The following HMCN1 variants were observed in gnomAD, a reference collection of about 807,000 sequenced individuals.
HMCN1 encodes the protein hemicentin-1.
A neutral mutation model predicts 625.9 loss-of-function variants in HMCN1; 321 were observed. The observed-to-expected ratio is 0.51, with a 90% CI of 0.47 to 0.56. The LOEUF (loss-of-function observed/expected upper bound fraction) is 0.56, where lower values mean the gene tolerates loss of function less well. HMCN1 is among the 20% of genes least tolerant of loss of function. The pLI is 0.00. For synonymous variants in HMCN1, 2,425 were observed against 2,417.6 expected (o/e 1.00, Z -0.09); for missense variants, 6,588 against 6,887.3 (o/e 0.96, Z 1.54).
chr1:185,815,807 C>T (rs1371117043), intron 1 of HMCN1, among the ~76,000 whole-genome samples: 2 of 150,242 alleles, frequency 1.3e-5, no homozygotes, highest in Non-Finnish European at 2.9e-5. Flanking sequence ...TACCATTAGG[C>T]TGCTAGAATT....
intron 11 of HMCN1, among the ~76,000 whole-genome samples, chr1:185,953,331 G>A (rs908099427): frequency 1.2e-4 from 18 of 151,958 alleles, no homozygotes; most frequent in Middle Eastern, 3.4e-3. Context: ...CAAGGCAGGC[G>A]TCCCTGCATG....
At chr1:186,173,967 C>G (rs976521666) in intron 102 of HMCN1, among the ~76,000 whole-genome samples, 1 of 152,184 alleles carries the variant, frequency 6.6e-6, no homozygotes, top group Non-Finnish European at 1.5e-5. Context: ...ACTAGAAACT[C>G]TTTTAAAAGA....
At chr1:186,003,893 G>A (rs760923589) in intron 29 of HMCN1, 49 bp downstream of exon 29, 1 of 1,589,376 alleles carries the variant, frequency 6.3e-7, no homozygotes, top group Non-Finnish European at 8.6e-7. Flanking sequence ...ATAGGAAAAA[G>A]ATGTGAAAAA....
At chr1:185,954,442 CGT>C (rs1021792109) in intron 11 of HMCN1, among the ~76,000 whole-genome samples, 1 of 152,022 alleles carries the variant, frequency 6.6e-6, no homozygotes, top group African/African-American at 2.4e-5. Flanking sequence ...ATTGCATAAA[CGT>C]ATCACTAGGA....
At chr1:185,953,896 A>G (rs1029575134) in intron 11 of HMCN1, among the ~76,000 whole-genome samples, 75 of 150,280 alleles carry the variant, frequency 5.0e-4, no homozygotes, top group African/African-American at 1.8e-3. Context: ...GGGCCGTTTT[A>G]TAGGATTTGG....
Position 186,040,949 on chromosome 1 carries a change from A to G in HMCN1, c.6181-64A>G, listed in dbSNP as rs1656161794. On this transcript the variant is annotated intron_variant, in intron 39 of 106. Coordinates refer to ENST00000271588, the MANE Select transcript of HMCN1 (RefSeq NM_031935.3). ...GATAAGCCTCAAAAAAATAAGAGAAAAAATCTATTACACCTACCATTCTCA... is the reference window on the plus strand; with the variant it reads ...GATAAGCCTCAAAAAAATAAGAGAAGAAATCTATTACACCTACCATTCTCA... The G allele has an allele frequency of 3.2e-6, 5 of 1,580,374 alleles. No individual in the cohort carries two copies. The African/African-American group carries it at 6.7e-5, about 21-fold the overall frequency.
chr1:186,119,604 C>T (rs950351895), intron 78 of HMCN1, 141 bp from the exon 79 acceptor site: 10 of 887,918 alleles, frequency 1.1e-5, no homozygotes, highest in Non-Finnish European at 1.8e-5. Flanking sequence ...GCAGTGTGGC[C>T]AACATTCACT....
intron 1 of HMCN1, among the ~76,000 whole-genome samples, chr1:185,836,591 A>G (rs1661184570): frequency 6.6e-6 from 1 of 152,096 alleles, no homozygotes; most frequent in African/African-American, 2.4e-5. Flanking sequence ...TTTTATTTCC[A>G]GTGAATTATA....
intron 70 of HMCN1, 37 bp downstream of exon 70, chr1:186,107,002 C>T (rs1290524200): frequency 8.1e-7 from 1 of 1,237,196 alleles, no homozygotes; most frequent in Non-Finnish European, 1.2e-6. Flanking sequence ...CTATCATACA[C>T]ACACCTAATT....
chr1:186,148,935 C>CTTTTT (rs57126500), intron 93 of HMCN1, among the ~76,000 whole-genome samples: 11 of 143,298 alleles, frequency 7.7e-5, no homozygotes, highest in Non-Finnish European at 7.7e-5. Flanking sequence ...TGAAAGGAAT[C>CTTTTT]TTTTTTTTTT....
intron 21 of HMCN1, 131 bp downstream of exon 21, chr1:185,989,778 T>A: frequency 1.2e-6 from 1 of 829,388 alleles, no homozygotes; most frequent in Non-Finnish European, 1.8e-6. Flanking sequence ...TTCTATTTTT[T>A]TTTTTTTTTT....
chr1:185,849,823 A>T (rs1410866774), intron 2 of HMCN1, among the ~76,000 whole-genome samples: 7 of 151,314 alleles, frequency 4.6e-5, no homozygotes, highest in African/African-American at 1.5e-4. Context: ...TTTTTTTGAC[A>T]TTTTTTTTCA....
At chr1:185,870,591 G>T (rs377732697) in intron 4 of HMCN1, among the ~76,000 whole-genome samples, 5 of 152,058 alleles carry the variant, frequency 3.3e-5, no homozygotes, top group African/African-American at 7.2e-5. Context: ...CATAGTAGGT[G>T]TATGTATTTA....
At chr1:186,163,563 A>G (rs1487276630) in intron 97 of HMCN1, among the ~76,000 whole-genome samples, 4 of 152,048 alleles carry the variant, frequency 2.6e-5, no homozygotes, top group African/African-American at 4.8e-5. Flanking sequence ...CCTCCCCCCA[A>G]TTAAGCAACT....
intron 6 of HMCN1, among the ~76,000 whole-genome samples, chr1:185,920,339 A>G (rs1301621891): frequency 6.6e-6 from 1 of 152,202 alleles, no homozygotes; most frequent in African/African-American, 2.4e-5. Context: ...AAATGGACTC[A>G]CTTGAAGATA....
chr1:185,787,983 A>T (rs984996070), intron 1 of HMCN1, among the ~76,000 whole-genome samples: 1 of 152,142 alleles, frequency 6.6e-6, no homozygotes, highest in African/African-American at 2.4e-5. Context: ...TCTTCCACCC[A>T]TCCATCCCCA....
At chr1:185,761,991 G>A (rs16824428) in intron 1 of HMCN1, among the ~76,000 whole-genome samples, 5,851 of 152,210 alleles carry the variant, frequency 0.038, 328 homozygotes, top group African/African-American at 0.13. Flanking sequence ...TTTCTGGACC[G>A]TCACCCTATT....
chr1:186,183,699 G>A (rs1384593462), intron 105 of HMCN1, among the ~76,000 whole-genome samples: 3 of 152,124 alleles, frequency 2.0e-5, no homozygotes, highest in African/African-American at 7.2e-5. Flanking sequence ...GATTATGTGA[G>A]CCTTAATGTC....
At position 185,949,199 on chromosome 1, in the gene HMCN1, A is replaced by G. The variant is rs565031399; in HGVS notation, c.1829-13319A>G. Among the ~76,000 whole-genome samples, 404 of 151,758 alleles carry G rather than the reference A, an allele frequency of 2.7e-3. 8 individuals are homozygous for G. Among genetic ancestry groups the G allele is most frequent in the African/African-American group, 9.0e-3 (371 of 41,112 alleles). ...GAGATATCAGCTGTGATGGCTTGGA[A>G]AAACAGTGTAAACCGGCAGTGTAAA... On this transcript the variant is annotated intron_variant, in intron 11 of 106. Transcript: ENST00000271588.
Sources: gnomAD v4.1 joint callset for allele counts (sites outside exome capture counted in the v4.1 genomes callset) on GRCh38, gnomAD v4.1.1 for gene constraint, MANE v1.5 for transcripts, NCBI Gene and HGNC (gene_info 2026-07-23, HGNC 2026-07-21) for gene names.